RELCH: variants seen among roughly 807,000 people sequenced by gnomAD.
The protein encoded by RELCH is RAB11 binding and LisH domain, coiled-coil and HEAT repeat containing.
A neutral mutation model predicts 150.3 loss-of-function variants in RELCH; 41 were observed. The ratio of observed to expected loss-of-function variants is 0.27; its 90% CI spans 0.21 to 0.35. The LOEUF (loss-of-function observed/expected upper bound fraction) is 0.35. Among genes scored for constraint, RELCH ranks in the 10% least tolerant of loss-of-function variants. The probability of loss-of-function intolerance (pLI) is 1.00; values close to 1 mark genes in which losing one functional copy is unlikely to be tolerated. For missense variants in RELCH, 1,092 were observed against 1,467.8 expected, an observed-to-expected ratio of 0.74 and a Z score of 4.18; for synonymous variants, 478 against 531.8, an observed-to-expected ratio of 0.90 and a Z score of 1.39.
Position 62,197,728 on chromosome 18 carries a change from A to G in RELCH, c.526+9697A>G, listed in dbSNP as rs1259718482. ...AGATTCAGCAAAAGATAGCGGGATC[A>G]AGAAGAATGCCCTAGAGCTGATATG... is the stretch of plus-strand genomic sequence containing the variant. On this transcript the variant is annotated intron_variant, in intron 1 of 28. Coordinates refer to ENST00000644646, the MANE Select transcript of RELCH (RefSeq NM_001346231.2). Among the ~76,000 whole-genome samples, 5 of 152,222 alleles carry G rather than the reference A, an allele frequency of 3.3e-5. No individual in the cohort carries two copies. In the East Asian group the frequency reaches 9.6e-4, roughly 29 times the overall value.
intron 25 of RELCH, 50 bp downstream of exon 25, chr18:62,282,494 G>C: frequency 6.3e-7 from 1 of 1,575,770 alleles, no homozygotes; most frequent in Non-Finnish European, 8.7e-7. Context: ...TAAGATCAAA[G>C]CTAGACACTC....
At chr18:62,255,340 T>C in intron 12 of RELCH, 67 bp from the exon 13 acceptor site, 1 of 1,041,602 alleles carries the variant, frequency 9.6e-7, no homozygotes, top group Non-Finnish European at 1.5e-6. Flanking sequence ...TGGTGAAATG[T>C]AATTCTCTTT....
chr18:62,260,203 A>AAAAAAAAAAAAAC (rs2043187700), intron 15 of RELCH, among the ~76,000 whole-genome samples: 1 of 151,174 alleles, frequency 6.6e-6, no homozygotes, highest in African/African-American at 2.4e-5. Context: ...CAAAAAAAAA[A>AAAAAAAAAAAAAC]AATCCAATTA....
chr18:62,281,579 A>G (rs980501032), intron 24 of RELCH, among the ~76,000 whole-genome samples: 1 of 152,176 alleles, frequency 6.6e-6, no homozygotes, highest in African/African-American at 2.4e-5. Flanking sequence ...CTCAAAATTG[A>G]TATCAGATTT....
At position 62,228,549 on chromosome 18, in the gene RELCH, CCTT is replaced by C. The variant is rs2041356955; in HGVS notation, c.1405_1407del (p.Ser469del). ...CAGGAGAGAAAGAGAAGGAATGCCA[CCTT>C]CTTCTCTATCAAGTAAAAAGACAGT... On this transcript the variant is annotated inframe_deletion, in exon 8 of 29. Coordinates refer to ENST00000644646, the MANE Select transcript of RELCH (RefSeq NM_001346231.2). The C allele has an allele frequency of 2.5e-6, 4 of 1,612,604 alleles. No individual in the cohort carries two copies. Among genetic ancestry groups the C allele is most frequent in the Non-Finnish European group, 3.4e-6 (4 of 1,179,222 alleles).
intron 1 of RELCH, among the ~76,000 whole-genome samples, chr18:62,201,478 T>G (rs1267082447): frequency 6.6e-6 from 1 of 152,178 alleles, no homozygotes; most frequent in African/African-American, 2.4e-5. Flanking sequence ...TGATTTTTTT[T>G]CCATTTAATT....
At chr18:62,253,242 T>G (rs2042817038) in intron 12 of RELCH, among the ~76,000 whole-genome samples, 1 of 59,594 alleles carries the variant, frequency 1.7e-5, no homozygotes, top group South Asian at 9.9e-4. Flanking sequence ...GAGGTGGGAG[T>G]ATACTTGAAG....
Position 62,187,609 on chromosome 18 carries a change from G to A in RELCH, c.104G>A (p.Arg35Gln), listed in dbSNP as rs2038204493. 1 of 1,532,504 alleles carries A rather than the reference G, an allele frequency of 6.5e-7. No individual in the cohort carries two copies. The highest frequency in any genetic ancestry group is 8.8e-7 in the Non-Finnish European group (1 of 1,138,580). The allele number at this position is 1,532,504 out of a possible 1,614,324, so 94.9% of individuals were successfully genotyped here. The change falls in exon 1 of 29, where the codon CGG (arginine) becomes CAG (glutamine). Residue 35 changes from arginine (R) to glutamine (Q), a missense_variant. By Grantham distance (43) the Arg-to-Gln change is conservative (BLOSUM62 1). Transcript: ENST00000644646. The stretch of plus-strand genomic sequence containing the variant: ...GACGAGGTAGCTGCAACAGAGGAAC[G>A]GCGGGCAGTACTTCGGCTGGGCGCC... ...DDDEVAATEE[R>Q]RAVLRLGAGS...
chr18:62,264,062 A>G lies in RELCH; in HGVS notation c.2424A>G (p.Ala808=), dbSNP rs568154944. The change falls in exon 17 of 29, where the codon GCA becomes GCG. Residue 808 remains alanine (A), a synonymous_variant. Transcript: ENST00000644646. ...STIIGSREQL[A]VLLQLYDYQL... is the part of the protein sequence containing the mutation. ...TTATCGGAAGTCGTGAGCAATTGGC[A>G]GTGCTGCTGCAACTTTATGACTACC... 1.9e-6 allele frequency: 3 copies of G among 1,607,588 alleles called. No homozygotes were observed. The highest frequency in any genetic ancestry group is 1.7e-6 in the Non-Finnish European group (2 of 1,177,446).
chr18:62,191,078 G>T (rs953748596), intron 1 of RELCH, among the ~76,000 whole-genome samples: 5 of 152,124 alleles, frequency 3.3e-5, no homozygotes, highest in Non-Finnish European at 4.4e-5. Context: ...TCCCCAAAAG[G>T]GGGGGATAAA....
chr18:62,296,767 A>G (rs1412220494), intron 27 of RELCH, among the ~76,000 whole-genome samples: 1 of 152,172 alleles, frequency 6.6e-6, no homozygotes, highest in Non-Finnish European at 1.5e-5. Flanking sequence ...TTCTGCATCA[A>G]TTGAGATGAT....
At chr18:62,279,992 C>G in intron 23 of RELCH, 136 bp downstream of exon 23, 2 of 642,176 alleles carry the variant, frequency 3.1e-6, no homozygotes, top group Non-Finnish European at 5.3e-6. Context: ...TGATTTTAAA[C>G]TTTATCACAT....
chr18:62,257,955 T>C lies in RELCH; in HGVS notation c.1904T>C (p.Ile635Thr). 6.3e-7 allele frequency: 1 copy of C among 1,589,860 alleles called. No individual in the cohort carries two copies. The highest frequency in any genetic ancestry group is 8.5e-7 in the Non-Finnish European group (1 of 1,170,456). The change falls in exon 14 of 29, where the codon ATC becomes ACC. Residue 635 changes from isoleucine to threonine, a missense_variant. Transcript: ENST00000644646. ...GALAPYLPKEIRSSLVLSMLQ... is the reference protein window; with the variant it reads ...GALAPYLPKETRSSLVLSMLQ... ...AAACATGTTTATTTTCAGAAAGAAA[T>C]CCGTAGCTCCTTGGTTCTTTCAATG...
At chr18:62,232,759 A>G (rs1447327440) in intron 10 of RELCH, among the ~76,000 whole-genome samples, 18 of 152,026 alleles carry the variant, frequency 1.2e-4, no homozygotes. Flanking sequence ...TGCTCTTGGT[A>G]TGATATGCTT....
intron 5 of RELCH, among the ~76,000 whole-genome samples, chr18:62,226,671 A>T (rs2041237030): frequency 6.6e-6 from 1 of 152,158 alleles, no homozygotes; most frequent in African/African-American, 2.4e-5. Context: ...AAGTTAATAT[A>T]AAACAAAGTA....
At chr18:62,216,957 G>A (rs1447608632) in intron 2 of RELCH, among the ~76,000 whole-genome samples, 1 of 151,696 alleles carries the variant, frequency 6.6e-6, no homozygotes, top group African/African-American at 2.4e-5. Context: ...TCATAATTTT[G>A]TCAGATTTAA....
At chr18:62,237,401 T>C (rs1193944420) in intron 10 of RELCH, among the ~76,000 whole-genome samples, 1 of 151,830 alleles carries the variant, frequency 6.6e-6, no homozygotes, top group Non-Finnish European at 1.5e-5. Flanking sequence ...CAACTATTAT[T>C]GTAGAACTGT....
rs150935866 is a variant in RELCH at position 62,263,860 on chromosome 18, A to G, written c.2351-129A>G. The G allele has an allele frequency of 5.1e-5, 31 of 612,166 alleles. 1 individual carries two copies. The highest frequency in any genetic ancestry group is 4.5e-4 in the African/African-American group (23 of 51,076). The allele number at this position is 612,166 out of a possible 1,614,324, so 37.9% of individuals were successfully genotyped here. A position where few individuals can be genotyped will look rare whatever the true frequency, so the allele number is the denominator to read the frequency against. On this transcript the variant is annotated intron_variant, in intron 16 of 28. Transcript: ENST00000644646. ...GACTTAATTAGTGTATTTCAATTTT[A>G]TATTTAAAATTTACAATAAGAAAGT...
intron 1 of RELCH, among the ~76,000 whole-genome samples, chr18:62,210,656 C>T (rs2148306780): frequency 6.6e-6 from 1 of 152,306 alleles, no homozygotes; most frequent in Non-Finnish European, 1.5e-5. Flanking sequence ...AAATCTTAGT[C>T]TACTGATTTT....
Sources: allele counts gnomAD v4.1 joint callset (sites outside exome capture counted in the v4.1 genomes callset), GRCh38; gene constraint gnomAD v4.1.1; transcripts MANE v1.5; gene names NCBI Gene and HGNC (gene_info 2026-07-23, HGNC 2026-07-21).